ANKRD11: variants seen among roughly 807,000 people sequenced by gnomAD.
The protein encoded by ANKRD11 is ankyrin repeat domain-containing protein 11.
In ANKRD11, 17 loss-of-function variants were observed where a neutral mutation model predicts 195.7. The ratio of observed to expected loss-of-function variants is 0.09; its 90% CI spans 0.06 to 0.13. The LOEUF is 0.13. ANKRD11 is among the 10% of genes least tolerant of loss of function. The pLI, the probability that ANKRD11 is intolerant of heterozygous loss-of-function variation, is 1.00. For missense variants in ANKRD11, 3,735 were observed against 3,566.1 expected (o/e 1.05, Z -1.21); for synonymous variants, 1,953 against 1,528.1 (o/e 1.28, Z -6.49).
intron 4 of ANKRD11, among the ~76,000 whole-genome samples, chr16:89,303,270 C>T (rs1053690542): frequency 7.9e-5 from 12 of 152,200 alleles, no homozygotes; most frequent in Non-Finnish European, 1.3e-4. Context: ...CTAACAGCTA[C>T]GTATCAACAT....
rs777521199 is a variant in ANKRD11, at chr16:89,490,226, G to C, written c.-145+19C>G. ...GTGCCCGCCCCGACCACCGCCCCCA[G>C]ACCAGCGGCGCCTCTCACCGTGCTC... On this transcript the variant is annotated intron_variant, in intron 1 of 12. Transcript: ENST00000301030. 6.6e-6 allele frequency: 1 copy of C among 152,198 alleles called. No individual in the cohort carries two copies. Among genetic ancestry groups the C allele is most frequent in the Non-Finnish European group, 1.4e-5 (1 of 69,206 alleles). The allele number at this position is 152,198 out of a possible 1,614,324, so 9.4% of individuals were successfully genotyped here.
chr16:89,377,678 C>A (rs1005538465), intron 2 of ANKRD11, among the ~76,000 whole-genome samples: 2 of 152,132 alleles, frequency 1.3e-5, no homozygotes, highest in African/African-American at 2.4e-5. Context: ...GGGGTTCCCA[C>A]GACTCCCACC....
intron 7 of ANKRD11, chr16:89,286,483 G>C (rs191457575): frequency 1.9e-6 from 1 of 528,004 alleles, no homozygotes; most frequent in Non-Finnish European, 3.2e-6. Flanking sequence ...CCATTTCTCC[G>C]TTGCCGCAAG....
intron 4 of ANKRD11, chr16:89,299,925 C>A (rs1423461229): frequency 4.8e-5 from 9 of 186,198 alleles, no homozygotes; most frequent in Admixed American, 2.6e-4. Flanking sequence ...GGGGTGCCTG[C>A]CCTGTGTGTG....
chr16:89,322,349 T>A (rs2037377771), intron 2 of ANKRD11, among the ~76,000 whole-genome samples: 1 of 152,234 alleles, frequency 6.6e-6, no homozygotes. Flanking sequence ...GGCCTTTACG[T>A]ACGTCCTGGG....
chr16:89,478,067 G>C (rs1006669636), intron 1 of ANKRD11, among the ~76,000 whole-genome samples: 7 of 152,176 alleles, frequency 4.6e-5, no homozygotes, highest in African/African-American at 1.4e-4. Flanking sequence ...AATCAAAAAA[G>C]AAAAATAAAA....
intron 2 of ANKRD11, among the ~76,000 whole-genome samples, chr16:89,375,953 A>G (rs28857478): frequency 0.059 from 9,047 of 152,188 alleles, 695 homozygotes; most frequent in African/African-American, 0.18. Context: ...CTTGCGTGAC[A>G]CGCCGCAGCC....
At chr16:89,302,082 A>G (rs956076081) in intron 4 of ANKRD11, among the ~76,000 whole-genome samples, 2 of 152,052 alleles carry the variant, frequency 1.3e-5, no homozygotes, top group African/African-American at 4.8e-5. Flanking sequence ...TTAACCCTGC[A>G]CCAATGTTTC....
At chr16:89,384,879 C>CTTTTTCTTTTTTTTTTTTTTT (rs2040833636) in intron 2 of ANKRD11, among the ~76,000 whole-genome samples, 2 of 49,910 alleles carry the variant, frequency 4.0e-5, no homozygotes, top group African/African-American at 1.6e-4. Context: ...AAATAGTTTT[C>CTTTTTCTTTTTTTTTTTTTTT]TTTTTTTTTT....
chr16:89,334,863 G>A (rs2151976290), intron 2 of ANKRD11, among the ~76,000 whole-genome samples: 1 of 152,252 alleles, frequency 6.6e-6, no homozygotes, highest in Middle Eastern at 3.4e-3. Context: ...CAGCACACTG[G>A]ATTCGAAGAG....
intron 1 of ANKRD11, among the ~76,000 whole-genome samples, chr16:89,464,092 A>C (rs1030299681): frequency 8.6e-5 from 13 of 151,182 alleles, no homozygotes; most frequent in African/African-American, 2.9e-4. Context: ...TACAAAAATT[A>C]ATCAGGCATG....
At chr16:89,410,972 C>T (rs568562336) in intron 2 of ANKRD11, among the ~76,000 whole-genome samples, 6 of 152,342 alleles carry the variant, frequency 3.9e-5, no homozygotes, top group Middle Eastern at 3.4e-3. Context: ...TCAGGCTGCC[C>T]GGCCTCCACA....
chr16:89,430,349 ACT>A (rs1300432143), intron 1 of ANKRD11, among the ~76,000 whole-genome samples: 1 of 144,486 alleles, frequency 6.9e-6, no homozygotes, highest in Non-Finnish European at 1.5e-5. Context: ...CACAGCAGGG[ACT>A]CTCAACTCTC....
In ANKRD11 at chr16:89,284,475, G is replaced by A. The variant is rs1273353110; in HGVS notation, c.2067C>T (p.His689=). 7 of 1,613,776 alleles carry A rather than the reference G, an allele frequency of 4.3e-6. No homozygotes were observed. The highest frequency in any genetic ancestry group is 5.9e-6 in the Non-Finnish European group (7 of 1,180,002). ...CTTCTTTTTTAAAGTGGTCGCGATC[G>A]TGCTTTAACACTTTTAGCTTGTTTT... ...STENKLKVLK[H]DRDHFKKEEK... The change falls in exon 9 of 13, where the codon CAC becomes CAT. Residue 689 remains histidine, a synonymous_variant. Coordinates refer to ENST00000301030, the MANE Select transcript of ANKRD11 (RefSeq NM_013275.6).
chr16:89,467,661 T>TAAGAGTG (rs1478470007), intron 1 of ANKRD11, among the ~76,000 whole-genome samples: 17 of 152,078 alleles, frequency 1.1e-4, no homozygotes, highest in Admixed American at 2.0e-4. Context: ...TCTGACCCTG[T>TAAGAGTG]ATCACTCTTC....
At chr16:89,406,327 G>A (rs931326115) in intron 2 of ANKRD11, among the ~76,000 whole-genome samples, 7 of 152,130 alleles carry the variant, frequency 4.6e-5, no homozygotes. Context: ...CTCACTGCCA[G>A]GTCACGGCGG....
intron 2 of ANKRD11, among the ~76,000 whole-genome samples, chr16:89,332,603 C>G (rs2038124506): frequency 6.6e-6 from 1 of 152,244 alleles, no homozygotes; most frequent in African/African-American, 2.4e-5. Context: ...AATGAAAAAG[C>G]ACTATCTAAA....
At chr16:89,414,174 C>G (rs891281337) in intron 2 of ANKRD11, among the ~76,000 whole-genome samples, 1 of 152,204 alleles carries the variant, frequency 6.6e-6, no homozygotes, top group East Asian at 1.9e-4. Flanking sequence ...GATTACTTTT[C>G]CATCTTAAAT....
chr16:89,298,456 G>C (rs2035593729), intron 4 of ANKRD11: 1 of 152,354 alleles, frequency 6.6e-6, no homozygotes, highest in Non-Finnish European at 1.5e-5. Flanking sequence ...CTTTATGGAT[G>C]AAAGGGCTGA....
Sources: gnomAD v4.1 joint callset for allele counts (sites outside exome capture counted in the v4.1 genomes callset) on GRCh38, gnomAD v4.1.1 for gene constraint, MANE v1.5 for transcripts, NCBI Gene and HGNC (gene_info 2026-07-23, HGNC 2026-07-21) for gene names.